Variants in SPATA1 observed in about 807,000 individuals in gnomAD.
SPATA1 encodes the protein spermatogenesis-associated protein 1.
In SPATA1, 57 loss-of-function variants were observed where a neutral mutation model predicts 59.6. That is an observed-to-expected ratio of 0.96 (90% confidence interval 0.77 to 1.19). The LOEUF is 1.19. Ranked by LOEUF, SPATA1 falls within the 50% of genes most tolerant of loss-of-function variation. The probability of loss-of-function intolerance (pLI) is 0.00; values close to 1 mark genes in which losing one functional copy is unlikely to be tolerated. For synonymous variants in SPATA1, 147 were observed against 163.9 expected (o/e 0.90, Z 0.79); for missense variants, 448 against 480.7 (o/e 0.93, Z 0.64).
downstream of SPATA1, among the ~76,000 whole-genome samples, chr1:84,558,290 A>G (rs538182186): frequency 4.2e-4 from 62 of 146,316 alleles, 3 homozygotes; most frequent in South Asian, 0.014. Flanking sequence ...GCCTGCCATT[A>G]AACTTTTTTT....
At chr1:84,526,782 T>A (rs897255000) in intron 6 of SPATA1, among the ~76,000 whole-genome samples, 1 of 149,902 alleles carries the variant, frequency 6.7e-6, no homozygotes, top group African/African-American at 2.5e-5. Context: ...GCAGGAGGAT[T>A]GCTTGAGCCA....
Position 84,541,820 on chromosome 1 carries a change from C to T in SPATA1, c.718-2382C>T, listed in dbSNP as rs979155242. 2.0e-5 allele frequency among the ~76,000 whole-genome samples: 3 copies of T among 152,264 alleles called. No homozygotes were observed. The East Asian group carries it at 5.8e-4, about 29-fold the overall frequency. On this transcript the variant is annotated intron_variant, in intron 8 of 12. Coordinates refer to ENST00000490879, the Ensembl canonical transcript of SPATA1. ...TATTTGCGTTGGATTTTTCCATTATCAGTAATAACAGGTGTTCTTACAGAG... is the reference window on the plus strand; with the variant it reads ...TATTTGCGTTGGATTTTTCCATTATTAGTAATAACAGGTGTTCTTACAGAG...
intron 8 of SPATA1, among the ~76,000 whole-genome samples, chr1:84,539,424 G>A (rs1466341874): frequency 2.0e-5 from 3 of 152,034 alleles, no homozygotes; most frequent in Non-Finnish European, 4.4e-5. Context: ...ACAAATTTAC[G>A]CTCCCGCTAG....
intron 6 of SPATA1, chr1:84,527,538 TCTTA>T (rs1336404148): frequency 1.3e-5 from 2 of 152,036 alleles, no homozygotes; most frequent in Non-Finnish European, 2.9e-5. Flanking sequence ...ATTTTTTAGT[TCTTA>T]TATATAAAAT....
At chr1:84,558,511 T>G (rs1168404631), downstream of SPATA1, among the ~76,000 whole-genome samples, 1 of 150,932 alleles carries the variant, frequency 6.6e-6, no homozygotes, top group Non-Finnish European at 1.5e-5. Flanking sequence ...CGGGATGGTC[T>G]CGATCTCCTG....
chr1:84,542,657 G>C (rs1683952355), intron 8 of SPATA1, among the ~76,000 whole-genome samples: 1 of 152,100 alleles, frequency 6.6e-6, no homozygotes, highest in African/African-American at 2.4e-5. Flanking sequence ...CTCTGATCTA[G>C]TAGTCTTTAT....
At chr1:84,511,248 TA>T (rs1228784454) in intron 1 of SPATA1, among the ~76,000 whole-genome samples, 1 of 152,210 alleles carries the variant, frequency 6.6e-6, no homozygotes, top group Non-Finnish European at 1.5e-5. Flanking sequence ...TGTATCAAAA[TA>T]TTTCATGTAC....
downstream of SPATA1, chr1:84,554,907 C>T: frequency 1.0e-6 from 1 of 989,958 alleles, no homozygotes; most frequent in Non-Finnish European, 1.5e-6. Context: ...ATACGGATAA[C>T]AAAAGTATAT....
chr1:84,556,710 C>CAAAAAA (rs11417377), downstream of SPATA1, among the ~76,000 whole-genome samples: 1 of 93,492 alleles, frequency 1.1e-5, no homozygotes, highest in Non-Finnish European at 2.2e-5. Context: ...GACTCCGTCT[C>CAAAAAA]AAAAAAAAAA....
At chr1:84,553,748 T>G (rs1292140492) in exon 13 of SPATA1, 3 of 152,130 alleles carry the variant, frequency 2.0e-5, no homozygotes, top group African/African-American at 7.2e-5. Flanking sequence ...TAACAGATGG[T>G]TCAATCATCA....
intron 4 of SPATA1, among the ~76,000 whole-genome samples, chr1:84,525,478 G>A (rs1275589763): frequency 6.6e-6 from 1 of 152,070 alleles, no homozygotes; most frequent in Non-Finnish European, 1.5e-5. Context: ...TAAGTGATAG[G>A]CATAGTTATT....
intron 9 of SPATA1, among the ~76,000 whole-genome samples, chr1:84,545,216 C>T (rs888089968): frequency 3.4e-5 from 5 of 147,570 alleles, no homozygotes; most frequent in Non-Finnish European, 6.0e-5. Context: ...GACTCCATCT[C>T]AAAAAAATAT....
intron 3 of SPATA1, 55 bp from the exon 4 acceptor site, chr1:84,522,335 G>A (rs1057395029): frequency 9.9e-7 from 1 of 1,013,912 alleles, no homozygotes. Flanking sequence ...TGAATCATTA[G>A]TATATCCAAA....
At chr1:84,558,569 G>A (rs1684521995), downstream of SPATA1, among the ~76,000 whole-genome samples, 1 of 150,484 alleles carries the variant, frequency 6.6e-6, no homozygotes, top group Non-Finnish European at 1.5e-5. Context: ...GGGATTACAG[G>A]CGTGAGCCAC....
intron 4 of SPATA1, chr1:84,563,685 T>TA (rs781586774): frequency 2.7e-6 from 3 of 1,130,354 alleles, no homozygotes; most frequent in Non-Finnish European, 3.7e-6. Context: ...AGAGAGACTC[T>TA]AAAAAATATA....
At chr1:84,532,236 C>T (rs1036492645) in intron 6 of SPATA1, among the ~76,000 whole-genome samples, 2 of 152,368 alleles carry the variant, frequency 1.3e-5, no homozygotes, top group African/African-American at 4.8e-5. Context: ...TGGCTTATGC[C>T]TGTAATTTCA....
chr1:84,516,423 TAAGA>T, intron 2 of SPATA1, 28 bp downstream of exon 2: 2 of 1,314,142 alleles, frequency 1.5e-6, no homozygotes, highest in Non-Finnish European at 1.0e-6. Flanking sequence ...TACTAAAATA[TAAGA>T]AAGACCTGCT....
At chr1:84,562,134 A>T (rs1684606999) in intron 4 of SPATA1, among the ~76,000 whole-genome samples, 1 of 152,202 alleles carries the variant, frequency 6.6e-6, no homozygotes, top group African/African-American at 2.4e-5. Flanking sequence ...GTATTACAGC[A>T]CTTCTCAAAC....
At chr1:84,556,774 C>T (rs574078229), downstream of SPATA1, among the ~76,000 whole-genome samples, 4 of 151,314 alleles carry the variant, frequency 2.6e-5, no homozygotes, top group East Asian at 1.9e-4. Context: ...GAATACACTG[C>T]GGCATATTTA....
Sources: allele counts gnomAD v4.1 joint callset (sites outside exome capture counted in the v4.1 genomes callset), GRCh38; gene constraint gnomAD v4.1.1; transcripts MANE v1.5; gene names NCBI Gene and HGNC (gene_info 2026-07-23, HGNC 2026-07-21).